ZNF236: variants seen among roughly 807,000 people sequenced by gnomAD.
ZNF236 encodes the protein regulated by glucose.
ZNF236 carries 50 observed loss-of-function variants against 191.2 expected under a neutral mutation model. The observed-to-expected ratio is 0.26, with a 90% CI of 0.21 to 0.33. ZNF236 has a LOEUF of 0.33. Among genes scored for constraint, ZNF236 ranks in the 10% least tolerant of loss-of-function variants. The pLI is 1.00. For missense variants in ZNF236, 1,754 were observed against 2,374.5 expected, an observed-to-expected ratio of 0.74 and a Z score of 5.43; for synonymous variants, 907 against 928.8, an observed-to-expected ratio of 0.98 and a Z score of 0.43.
chr18:76,902,020 AG>A (rs1977608494), intron 11 of ZNF236, among the ~76,000 whole-genome samples: 1 of 152,154 alleles, frequency 6.6e-6, no homozygotes, highest in South Asian at 2.1e-4. Context: ...CAGTTGAGTT[AG>A]GTTCTTGACT....
At chr18:76,860,458 T>C (rs1159615948) in intron 3 of ZNF236, among the ~76,000 whole-genome samples, 1 of 152,242 alleles carries the variant, frequency 6.6e-6, no homozygotes, top group Non-Finnish European at 1.5e-5. Context: ...CTAAAGTATT[T>C]ATACCTTATT....
At position 76,937,214 on chromosome 18, in the gene ZNF236, C is replaced by A. The variant is rs200829111; in HGVS notation, c.4653C>A (p.Ile1551=). The part of the protein sequence containing the change: ...PSTTPMSPSA[I]STQNLVMSSS... The stretch of plus-strand genomic sequence containing the variant: ...CAACACCGATGTCTCCATCGGCCAT[C>A]TCGACTCAGAACCTGGTCATGTCCT... The change falls in exon 26 of 31, where the codon ATC becomes ATA. Residue 1551 remains isoleucine (I), a synonymous_variant. Transcript: ENST00000320610. 5 of 1,614,090 alleles carry A rather than the reference C, an allele frequency of 3.1e-6. No individual in the cohort carries two copies. In the South Asian group the frequency reaches 5.5e-5, roughly 18 times the overall value.
intron 17 of ZNF236, among the ~76,000 whole-genome samples, chr18:76,912,789 T>G (rs566268051): frequency 2.6e-5 from 4 of 152,240 alleles, no homozygotes; most frequent in Non-Finnish European, 4.4e-5. Flanking sequence ...CAGTACATAC[T>G]GAGCACCCTC....
chr18:76,905,109 A>G (rs201173806), intron 12 of ZNF236, 46 bp from the exon 13 acceptor site: 3 of 1,543,062 alleles, frequency 1.9e-6, no homozygotes, highest in South Asian at 1.2e-5. Flanking sequence ...AAAGCATTAT[A>G]AAAGTATAAG....
intron 1 of ZNF236, among the ~76,000 whole-genome samples, chr18:76,842,095 A>T (rs1056586166): frequency 6.6e-6 from 1 of 152,156 alleles, no homozygotes; most frequent in African/African-American, 2.4e-5. Context: ...GAAAATTATT[A>T]CTAGCTATGC....
intron 27 of ZNF236, among the ~76,000 whole-genome samples, chr18:76,950,981 A>G (rs1205474380): frequency 6.6e-6 from 1 of 152,260 alleles, no homozygotes; most frequent in Non-Finnish European, 1.5e-5. Context: ...ATTGTCAATG[A>G]GCAGGAATAT....
chr18:76,872,341 C>T (rs994343354), intron 5 of ZNF236, among the ~76,000 whole-genome samples: 4 of 152,090 alleles, frequency 2.6e-5, no homozygotes, highest in Admixed American at 6.5e-5. Flanking sequence ...CTTAGCCAGG[C>T]GTGGTAGCAC....
At chr18:76,891,353 CTCTTA>C (rs923202195) in intron 9 of ZNF236, among the ~76,000 whole-genome samples, 3 of 152,204 alleles carry the variant, frequency 2.0e-5, no homozygotes, top group African/African-American at 7.2e-5. Context: ...ATAACCTCTT[CTCTTA>C]TATCTGACTT....
At chr18:76,908,951 G>A (rs1967134666) in intron 14 of ZNF236, among the ~76,000 whole-genome samples, 1 of 124,248 alleles carries the variant, frequency 8.0e-6, no homozygotes, top group Non-Finnish European at 1.7e-5. Flanking sequence ...GGGTGTGTGT[G>A]TATGTGTGTG....
At chr18:76,918,160 C>CT (rs980187968) in intron 19 of ZNF236, among the ~76,000 whole-genome samples, 3 of 152,138 alleles carry the variant, frequency 2.0e-5, no homozygotes, top group African/African-American at 2.4e-5. Context: ...CCCAGCCAAA[C>CT]TTTTTTTCCT....
At chr18:76,935,079 G>C (rs926695422) in intron 25 of ZNF236, among the ~76,000 whole-genome samples, 7 of 152,106 alleles carry the variant, frequency 4.6e-5, no homozygotes, top group Admixed American at 2.6e-4. Context: ...CTTCAGCATG[G>C]GATCTTCATT....
At chr18:76,884,024 G>T (rs990032990) in intron 9 of ZNF236, among the ~76,000 whole-genome samples, 1 of 152,182 alleles carries the variant, frequency 6.6e-6, no homozygotes, top group East Asian at 1.9e-4. Flanking sequence ...TTGGTTTGAA[G>T]AAGTTATATT....
chr18:76,922,549 A>C (rs1158209368), intron 20 of ZNF236, among the ~76,000 whole-genome samples: 2 of 148,168 alleles, frequency 1.3e-5, no homozygotes, highest in African/African-American at 2.5e-5. Context: ...TGGGTTTTTT[A>C]AGGAAATTGT....
Position 76,968,440 on chromosome 18 carries a change from GC to G in ZNF236, c.*102del, listed in dbSNP as rs1968838946. Reference sequence around the variant, plus strand: ...TTTTAAAGCTTCAAGTGTTAAAAATGCTACAATAGTTTTTTATCTATAAAAT... The same window carrying G: ...TTTTAAAGCTTCAAGTGTTAAAAATGTACAATAGTTTTTTATCTATAAAAT... On this transcript the variant is annotated 3_prime_UTR_variant, in exon 31 of 31. Coordinates refer to ENST00000320610, the MANE Select transcript of ZNF236 (RefSeq NM_001306089.2). 2 of 1,512,730 alleles carry G rather than the reference GC, an allele frequency of 1.3e-6. No homozygotes were observed. The highest frequency in any genetic ancestry group is 5.0e-5 in the East Asian group (2 of 40,238). 93.7% of individuals were successfully genotyped at this position (1,512,730 alleles called of 1,614,324 possible).
chr18:76,883,061 T>C (rs572369641), intron 9 of ZNF236, among the ~76,000 whole-genome samples: 12 of 152,336 alleles, frequency 7.9e-5, no homozygotes, highest in African/African-American at 2.6e-4. Context: ...CCATGGTCCT[T>C]AGACCGAGAA....
In ZNF236 at chr18:76,880,696, C is replaced by T. The variant is rs574142456; in HGVS notation, c.1188+380C>T. 7.2e-5 allele frequency among the ~76,000 whole-genome samples: 11 copies of T among 152,254 alleles called. No homozygotes were observed. Among genetic ancestry groups the T allele is most frequent in the African/African-American group, 2.2e-4 (9 of 41,538 alleles). ...TCATGGGTGTTGACAATTCTGAGAG[C>T]GTTCATACTGCCTGGCCTTCTCTCG... On this transcript the variant is annotated intron_variant, in intron 8 of 30. Coordinates refer to ENST00000320610, the MANE Select transcript of ZNF236 (RefSeq NM_001306089.2). The surrounding 1 kb of genome is among the most constrained non-coding windows in gnomAD (Gnocchi z 5.0).
chr18:76,905,906 C>T (rs1382683588), intron 13 of ZNF236, among the ~76,000 whole-genome samples: 1 of 152,192 alleles, frequency 6.6e-6, no homozygotes, highest in Non-Finnish European at 1.5e-5. Context: ...GATTGGAAGG[C>T]TAGCTCGTCT....
Position 76,923,189 on chromosome 18 carries a change from C to T in ZNF236, c.3661+15C>T, listed in dbSNP as rs369801104. 3.9e-6 allele frequency: 6 copies of T among 1,537,960 alleles called. No homozygotes were observed. Among genetic ancestry groups the T allele is most frequent in the Non-Finnish European group, 5.4e-6 (6 of 1,110,722 alleles). On this transcript the variant is annotated intron_variant, in intron 21 of 30. Transcript: ENST00000320610. ...GACTCACACAGGTAAGGAAAACATG[C>T]CTGCGTCATTGGTAGAGGTCTTAGG... is the stretch of plus-strand genomic sequence containing the variant.
At chr18:76,889,817 C>T (rs907206454) in intron 9 of ZNF236, among the ~76,000 whole-genome samples, 2 of 152,148 alleles carry the variant, frequency 1.3e-5, no homozygotes, top group African/African-American at 4.8e-5. Flanking sequence ...GGAAGCGCAC[C>T]ACTACTGTCT....
Sources: gnomAD v4.1 joint callset for allele counts (sites outside exome capture counted in the v4.1 genomes callset) on GRCh38, gnomAD v4.1.1 for gene constraint, Gnocchi (gnomAD v3.1) non-coding constraint, MANE v1.5 for transcripts, NCBI Gene and HGNC (gene_info 2026-07-23, HGNC 2026-07-21) for gene names.